Variants in MYO5C observed in about 807,000 individuals in gnomAD.
MYO5C encodes the protein unconventional myosin-Vc.
Under a neutral mutation model 235.7 loss-of-function variants are expected in MYO5C, and 194 were observed. The ratio of observed to expected loss-of-function variants is 0.82; its 90% confidence interval spans 0.73 to 0.93. MYO5C has a LOEUF of 0.93. MYO5C is among the 40% of genes least tolerant of loss of function. The pLI is 0.00. For missense variants in MYO5C, 2,038 were observed against 2,127.2 expected, an observed-to-expected ratio of 0.96 and a Z score of 0.82; for synonymous variants, 707 against 754.8, an observed-to-expected ratio of 0.94 and a Z score of 1.04.
chr15:52,243,042 T>C (rs1460912038), intron 19 of MYO5C: 1 of 152,256 alleles, frequency 6.6e-6, no homozygotes, highest in Non-Finnish European at 1.5e-5. Flanking sequence ...ACACCTTCTA[T>C]GACAGCCACC....
At position 52,247,005 on chromosome 15, in the gene MYO5C, A is replaced by G. The variant is rs2036364059; in HGVS notation, c.1891T>C (p.Ser631Pro). The G allele has an allele frequency of 2.5e-6, 4 of 1,612,980 alleles. No individual in the cohort carries two copies. Among genetic ancestry groups the G allele is most frequent in the Non-Finnish European group, 3.4e-6 (4 of 1,179,558 alleles). ...AGGGTCTCCATGAGCAAGTACAGAG[A>G]GCTGCGGAACTAGGAAACAAAGCTA... ...RTTVGSKFRS[S>P]LYLLMETLNA... Residue 631 changes from serine to proline, a missense_variant, in exon 16 of 41, where the codon TCT becomes CCT. Transcript: ENST00000261839.
chr15:52,225,324 C>T, intron 26 of MYO5C, 115 bp downstream of exon 26: 2 of 1,080,508 alleles, frequency 1.9e-6, no homozygotes, highest in Non-Finnish European at 1.4e-6. Context: ...ATCAACTAAG[C>T]AATCTACCAT....
chr15:52,212,149 T>C (rs2035455762), intron 34 of MYO5C, among the ~76,000 whole-genome samples: 1 of 152,214 alleles, frequency 6.6e-6, no homozygotes, highest in South Asian at 2.1e-4. Context: ...TATTTTTCCC[T>C]GGTGTGGAAA....
chr15:52,248,880 AG>A (rs2036410741), intron 13 of MYO5C, 97 bp from the exon 14 acceptor site: 1 of 818,810 alleles, frequency 1.2e-6, no homozygotes, highest in Admixed American at 2.6e-5. Flanking sequence ...TTAATAAAAA[AG>A]GCTACAGAGG....
chr15:52,272,828 G>C (rs1469782365), intron 5 of MYO5C, 105 bp from the exon 6 acceptor site: 1 of 1,149,472 alleles, frequency 8.7e-7, no homozygotes, highest in Non-Finnish European at 1.2e-6. Flanking sequence ...CTAGGGGAAG[G>C]TCTGATTGGC....
At chr15:52,278,735 G>A in intron 4 of MYO5C, 138 bp downstream of exon 4, 3 of 986,146 alleles carry the variant, frequency 3.0e-6, no homozygotes, top group Non-Finnish European at 4.5e-6. Flanking sequence ...ATTCCAGGTA[G>A]TCGGCTCAAC....
At chr15:52,245,592 G>C in intron 17 of MYO5C, 127 bp from the exon 18 acceptor site, 1 of 725,502 alleles carries the variant, frequency 1.4e-6, no homozygotes, top group Non-Finnish European at 2.5e-6. Context: ...GAGGATAAAG[G>C]CACTGATCTT....
At chr15:52,258,907 T>A (rs1427846128) in intron 10 of MYO5C, among the ~76,000 whole-genome samples, 3 of 152,206 alleles carry the variant, frequency 2.0e-5, no homozygotes, top group Non-Finnish European at 4.4e-5. Context: ...GGGGCCACCG[T>A]CCAGCTCACT....
At chr15:52,210,961 G>C (rs2035429260) in intron 35 of MYO5C, among the ~76,000 whole-genome samples, 1 of 152,224 alleles carries the variant, frequency 6.6e-6, no homozygotes, top group African/African-American at 2.4e-5. Context: ...AAAGAGTTCA[G>C]TTGGTGACTT....
At chr15:52,291,672 A>C (rs1011114440) in intron 1 of MYO5C, among the ~76,000 whole-genome samples, 1 of 149,502 alleles carries the variant, frequency 6.7e-6, no homozygotes, top group African/African-American at 2.5e-5. Context: ...AGAAAGAAAG[A>C]CCGTCCAATC....
intron 3 of MYO5C, among the ~76,000 whole-genome samples, chr15:52,279,232 A>G (rs1184777118): frequency 6.6e-6 from 1 of 152,180 alleles, no homozygotes; most frequent in Non-Finnish European, 1.5e-5. Flanking sequence ...ATGCTCGCAA[A>G]TGGAGAGGTT....
At chr15:52,287,962 G>A (rs888455616) in intron 1 of MYO5C, among the ~76,000 whole-genome samples, 4 of 151,222 alleles carry the variant, frequency 2.6e-5, no homozygotes, top group Non-Finnish European at 4.4e-5. Flanking sequence ...GGTGACATGC[G>A]TGAAACTCCG....
rs768513572 is a variant in MYO5C, at chr15:52,279,516, G to C, written c.297C>G (p.Thr99=). The C allele has an allele frequency of 2.5e-6, 4 of 1,612,340 alleles. No individual in the cohort carries two copies. The African/African-American group carries it at 5.3e-5, about 22-fold the overall frequency. ...IRFAESKLIY[T]YSGIILVAMN... is the part of the protein sequence containing the mutation. The stretch of plus-strand genomic sequence containing the variant: ...TAGAATTGCTCTCCTTACCACTGTA[G>C]GTGTAAATGAGTTTGGATTCTGCAA... Residue 99 remains threonine (T), a synonymous_variant, in exon 3 of 41, where the codon ACC becomes ACG. Transcript: ENST00000261839.
chr15:52,272,840 G>T, intron 5 of MYO5C, 117 bp from the exon 6 acceptor site: 3 of 1,016,394 alleles, frequency 3.0e-6, no homozygotes, highest in Non-Finnish European at 2.9e-6. Context: ...CTGATTGGCA[G>T]AGGGAAGTCT....
chr15:52,274,317 C>T (rs1278790609), intron 5 of MYO5C, among the ~76,000 whole-genome samples: 18 of 152,168 alleles, frequency 1.2e-4, no homozygotes, highest in Admixed American at 1.2e-3. Context: ...CCTGCTCTGT[C>T]ATCCAGGCTG....
intron 24 of MYO5C, among the ~76,000 whole-genome samples, chr15:52,231,016 C>T (rs1476974664): frequency 6.7e-6 from 1 of 149,364 alleles, no homozygotes; most frequent in Non-Finnish European, 1.5e-5. Flanking sequence ...TTAGTAGATA[C>T]GGGGTTTCAC....
chr15:52,288,414 C>T (rs569601662), intron 1 of MYO5C, among the ~76,000 whole-genome samples: 39 of 152,300 alleles, frequency 2.6e-4, no homozygotes, highest in Admixed American at 1.6e-3. Context: ...CCACTGACGG[C>T]TTCTCTTCTG....
Position 52,248,744 on chromosome 15 carries a change from C to G in MYO5C, c.1702G>C (p.Asp568His), listed in dbSNP as rs1181373724. The change falls in exon 14 of 41, where the codon GAC becomes CAC. Residue 568 changes from aspartate (D) to histidine (H), a missense_variant. Asp to His is a moderately conservative substitution (Grantham distance 81). Transcript: ENST00000261839. ...TCAACCAGCATGTCATAGACGGTGTCTCTGTTTTTCTCCAGGAAACCTTCA... is the reference window on the plus strand; with the variant it reads ...TCAACCAGCATGTCATAGACGGTGTGTCTGTTTTTCTCCAGGAAACCTTCA... The part of the protein sequence containing the change: ...KCEGFLEKNR[D>H]TVYDMLVEIL... 7 of 1,614,020 alleles carry G rather than the reference C, an allele frequency of 4.3e-6. No individual in the cohort carries two copies. Among genetic ancestry groups the G allele is most frequent in the Non-Finnish European group, 5.9e-6 (7 of 1,180,020 alleles).
chr15:52,197,499 G>A (rs781184619), intron 38 of MYO5C, among the ~76,000 whole-genome samples: 1 of 152,162 alleles, frequency 6.6e-6, no homozygotes, highest in Non-Finnish European at 1.5e-5. Flanking sequence ...GAGTTGGGGT[G>A]GGGGATGAGA....
Sources: allele counts gnomAD v4.1 joint callset (sites outside exome capture counted in the v4.1 genomes callset), GRCh38; gene constraint gnomAD v4.1.1; transcripts MANE v1.5; gene names NCBI Gene and HGNC (gene_info 2026-07-23, HGNC 2026-07-21).